Variants in LCN15 observed in about 807,000 individuals in gnomAD.
LCN15 encodes the protein lipocalin-15.
In LCN15, 26 loss-of-function variants were observed where a neutral mutation model predicts 23.1. The ratio of observed to expected loss-of-function variants is 1.13; its 90% CI spans 0.82 to 1.56. The LOEUF (loss-of-function observed/expected upper bound fraction) is 1.56. LCN15 is among the 40% of genes most tolerant of loss of function. The probability of loss-of-function intolerance (pLI) is 0.00; values close to 1 mark genes in which losing one functional copy is unlikely to be tolerated. For missense variants in LCN15, 241 were observed against 239.5 expected, an observed-to-expected ratio of 1.01 and a Z score of -0.04; for synonymous variants, 107 against 98.3, an observed-to-expected ratio of 1.09 and a Z score of -0.52.
intron 5 of LCN15, 150 bp from the exon 6 acceptor site, chr9:136,762,003 G>A (rs971115540): frequency 1.3e-5 from 10 of 792,922 alleles, no homozygotes; most frequent in Non-Finnish European, 1.9e-5. Flanking sequence ...GCTGCCCAAA[G>A]CCTCTCCCGT....
At chr9:136,763,173 G>A (rs1236938630) in intron 4 of LCN15, among the ~76,000 whole-genome samples, 184 bp downstream of exon 4, 24 of 151,438 alleles carry the variant, frequency 1.6e-4, no homozygotes. Flanking sequence ...CAGAAGGGGC[G>A]GGCCCGGGGA....
rs1369479734 is a variant in LCN15 at position 136,759,964 on chromosome 9, G to A, written c.*33-181C>T. On this transcript the variant is annotated intron_variant, in intron 6 of 6. Transcript: ENST00000316144. The stretch of plus-strand genomic sequence containing the variant: ...ACCAGCTACCACTGCTGCCCCAGGC[G>A]AGAGGCTGCCCCAGAGGCCATCCCT... 4.6e-5 allele frequency among the ~76,000 whole-genome samples: 7 copies of A among 152,226 alleles called. No individual in the cohort carries two copies. The East Asian group carries it at 1.3e-3, about 29-fold the overall frequency.
intron 3 of LCN15, 64 bp from the exon 4 acceptor site, chr9:136,763,531 C>A: frequency 7.7e-7 from 1 of 1,295,896 alleles, no homozygotes; most frequent in South Asian, 1.3e-5. Flanking sequence ...CCGACCCCAC[C>A]CATGCCTGCC....
chr9:136,764,472 A>C lies in LCN15; in HGVS notation c.17T>G (p.Leu6Arg), dbSNP rs1847357522. Residue 6 changes from leucine to arginine, a missense_variant, in exon 1 of 7, where the codon CTC becomes CGC. Leu to Arg is a moderately radical substitution (Grantham distance 102). Transcript: ENST00000316144. The part of the protein sequence containing the change: MMSFL[L>R]GAILTLLWAP... Reference sequence around the variant, plus strand: ...CCAGAGCAGGGTCAGGATTGCGCCGAGCAGGAATGACATCATCCCCTCCCC... The same window carrying C: ...CCAGAGCAGGGTCAGGATTGCGCCGCGCAGGAATGACATCATCCCCTCCCC... 1 of 1,612,834 alleles carries C rather than the reference A, an allele frequency of 6.2e-7. No individual in the cohort carries two copies.
In LCN15 at chr9:136,762,411, T is replaced by C. The variant is rs145086419; in HGVS notation, c.419-122A>G. 4,519 of 672,502 alleles carry C rather than the reference T, an allele frequency of 6.7e-3. 24 individuals are homozygous for C. The highest frequency in any genetic ancestry group is 0.021 in the Middle Eastern group (85 of 3,980). 41.7% of individuals were successfully genotyped at this position (672,502 alleles called of 1,614,324 possible). ...GGCCGCCACCCTGGGTTGGGCAGGTTGTGCGCGGCATAAAGCTCCTGCCTG... is the reference window on the plus strand; with the variant it reads ...GGCCGCCACCCTGGGTTGGGCAGGTCGTGCGCGGCATAAAGCTCCTGCCTG... On this transcript the variant is annotated intron_variant, in intron 4 of 6. Coordinates refer to ENST00000316144, the MANE Select transcript of LCN15 (RefSeq NM_203347.2).
chr9:136,759,883 A>G (rs1214139786), intron 6 of LCN15, 100 bp from the exon 7 acceptor site: 1 of 152,398 alleles, frequency 6.6e-6, no homozygotes. Flanking sequence ...GCCACCACTG[A>G]CAGGCCAGGG....
rs891355013 is a variant in LCN15 at position 136,764,508 on chromosome 9, C to G, written c.-20G>C. 1.9e-6 allele frequency: 3 copies of G among 1,600,776 alleles called. No homozygotes were observed. The highest frequency in any genetic ancestry group is 2.6e-6 in the Non-Finnish European group (3 of 1,172,514). On this transcript the variant is annotated 5_prime_UTR_variant, in exon 1 of 7. Transcript: ENST00000316144. ...CATCATCCCCTCCCCTGCCCTCCAG[C>G]CCCTGGTGCTGAGTCCCCAAGCCCC...
At chr9:136,763,636 G>A (rs554479750) in intron 3 of LCN15, 77 bp downstream of exon 3, 295 of 1,520,726 alleles carry the variant, frequency 1.9e-4, no homozygotes, top group Non-Finnish European at 2.5e-4. Context: ...GCTTGGGCCC[G>A]GGTGGAAAGT....
rs1473761113 is a variant in LCN15 at position 136,759,753 on chromosome 9, G to A, written c.*63C>T. On this transcript the variant is annotated 3_prime_UTR_variant, in exon 7 of 7. Coordinates refer to ENST00000316144, the MANE Select transcript of LCN15 (RefSeq NM_203347.2). ...CCGAGGGCTGTGGGTCTTGACTCCAGGGGCAAAGGCGCCTGCTGCTTTGGC... is the reference window on the plus strand; with the variant it reads ...CCGAGGGCTGTGGGTCTTGACTCCAAGGGCAAAGGCGCCTGCTGCTTTGGC... The A allele has an allele frequency of 6.6e-6, 1 of 152,250 alleles. No homozygotes were observed. Among genetic ancestry groups the A allele is most frequent in the Non-Finnish European group, 1.5e-5 (1 of 68,068 alleles). The allele number at this position is 152,250 out of a possible 1,614,324, so 9.4% of individuals were successfully genotyped here. A position where few individuals can be genotyped will look rare whatever the true frequency, so the allele number is the denominator to read the frequency against.
In LCN15 at chr9:136,761,902, C is replaced by G. The variant is rs761395593; in HGVS notation, c.521-49G>C. Reference sequence around the variant, plus strand: ...AGATGCTGACGGCCAGGACCGCCCTCGCTTCCCGCAGCCCCCAACCCCTGG... The same window carrying G: ...AGATGCTGACGGCCAGGACCGCCCTGGCTTCCCGCAGCCCCCAACCCCTGG... On this transcript the variant is annotated intron_variant, in intron 5 of 6. Transcript: ENST00000316144. The surrounding 1 kb of genome is among the most constrained non-coding windows in gnomAD (Gnocchi z 4.2). The G allele has an allele frequency of 2.3e-6, 3 of 1,315,134 alleles. No individual in the cohort carries two copies. Among genetic ancestry groups the G allele is most frequent in the Non-Finnish European group, 2.9e-6 (3 of 1,027,450 alleles). The allele number at this position is 1,315,134 out of a possible 1,614,324, so 81.5% of individuals were successfully genotyped here. A position where few individuals can be genotyped will look rare whatever the true frequency, so the allele number is the denominator to read the frequency against.
At chr9:136,764,033 A>T (rs1847353331) in intron 1 of LCN15, 24 bp from the exon 2 acceptor site, 1 of 1,606,982 alleles carries the variant, frequency 6.2e-7, no homozygotes, top group South Asian at 1.1e-5. Context: ...AGTCACCCGC[A>T]GGCCAGGACA....
At position 136,763,436 on chromosome 9, in the gene LCN15, G is replaced by C. The variant is rs1249422425; in HGVS notation, c.339C>G (p.Asp113Glu). The C allele has an allele frequency of 6.2e-6, 10 of 1,609,568 alleles. No individual in the cohort carries two copies. Among genetic ancestry groups the C allele is most frequent in the Non-Finnish European group, 6.8e-6 (8 of 1,178,470 alleles). Reference sequence around the variant, plus strand: ...GGACGGCGAAGGAGCTGTAGTCTGTGTCCACGATGCGCACGTCCAGGTAGC... The same window carrying C: ...GGACGGCGAAGGAGCTGTAGTCTGTCTCCACGATGCGCACGTCCAGGTAGC... The part of the protein sequence containing the change: ...ALGYLDVRIV[D>E]TDYSSFAVLY... Residue 113 changes from aspartate to glutamate, a missense_variant, in exon 4 of 7, where the codon GAC becomes GAG. By Grantham distance (45) the Asp-to-Glu change is conservative. Coordinates refer to ENST00000316144, the MANE Select transcript of LCN15 (RefSeq NM_203347.2).
rs1416886749 is a variant in LCN15, at chr9:136,764,389, G to C, written c.96+4C>G. On this transcript the variant is annotated splice_donor_region_variant and intron_variant, in intron 1 of 6. Coordinates refer to ENST00000316144, the MANE Select transcript of LCN15 (RefSeq NM_203347.2). ...CACCACAGGACAGCAGAGGCCCCTG[G>C]TACCTTTTCAGCATTGAAGTCAGGC... 1.9e-6 allele frequency: 3 copies of C among 1,612,420 alleles called. No homozygotes were observed. Among genetic ancestry groups the C allele is most frequent in the Admixed American group, 1.7e-5 (1 of 59,960 alleles).
rs1368538699 is a variant in LCN15, at chr9:136,764,014, CGG to C, written c.97-7_97-6del. On this transcript the variant is annotated splice_region_variant and splice_polypyrimidine_tract_variant and intron_variant, in intron 1 of 6. Transcript: ENST00000316144. ...CACGTACCAGAGGCCTGAGAACTGC[CGG>C]GGGCTTAGTCACCCGCAGGCCAGGA... is the stretch of plus-strand genomic sequence containing the variant. 3.7e-6 allele frequency: 6 copies of C among 1,611,896 alleles called. No homozygotes were observed. The highest frequency in any genetic ancestry group is 5.1e-6 in the Non-Finnish European group (6 of 1,179,460).
intron 1 of LCN15, 116 bp downstream of exon 1, chr9:136,764,277 G>A (rs1008534171): frequency 3.7e-5 from 39 of 1,041,130 alleles, no homozygotes; most frequent in Admixed American, 1.9e-4. Flanking sequence ...TCTATAGCAC[G>A]TGCCTGGCCG....
At chr9:136,759,995 C>T (rs900569096) in intron 6 of LCN15, among the ~76,000 whole-genome samples, 1 of 152,248 alleles carries the variant, frequency 6.6e-6, no homozygotes, top group Non-Finnish European at 1.5e-5. Flanking sequence ...TCCCTGGCTC[C>T]AGCACTTCCC....
At position 136,761,333 on chromosome 9, in the gene LCN15, T is replaced by C. The variant is rs1847314495; in HGVS notation, c.*32+454A>G. 6.6e-6 allele frequency among the ~76,000 whole-genome samples: 1 copy of C among 152,198 alleles called. No homozygotes were observed. The highest frequency in any genetic ancestry group is 2.4e-5 in the African/African-American group (1 of 41,444). On this transcript the variant is annotated intron_variant, in intron 6 of 6. Transcript: ENST00000316144. This position sits in a 1 kb window ranked among gnomAD's most constrained non-coding sequence, Gnocchi z 4.2. ...TGGACTGTAATGGTGCAATCTCGGC[T>C]CACCGCAACCTCCGCCTCCTGGGTT...
Position 136,762,432 on chromosome 9 carries a change from G to C in LCN15, c.419-143C>G. ...AGGTTGTGCGCGGCATAAAGCTCCT[G>C]CCTGGCTGAAGGAAACTTGGGGCCC... On this transcript the variant is annotated intron_variant, in intron 4 of 6. Transcript: ENST00000316144. 3 of 638,964 alleles carry C rather than the reference G, an allele frequency of 4.7e-6. No individual in the cohort carries two copies. In the South Asian group the frequency reaches 5.5e-5, roughly 12 times the overall value. 39.6% of individuals were successfully genotyped at this position (638,964 alleles called of 1,614,324 possible).
chr9:136,763,651 C>T, intron 3 of LCN15, 62 bp downstream of exon 3: 2 of 1,573,028 alleles, frequency 1.3e-6, no homozygotes, highest in Non-Finnish European at 1.7e-6. Flanking sequence ...GAAAGTCAGC[C>T]CCACGTCACC....
Sources: allele counts gnomAD v4.1 joint callset (sites outside exome capture counted in the v4.1 genomes callset), GRCh38; gene constraint gnomAD v4.1.1; non-coding constraint Gnocchi (gnomAD v3.1); transcripts MANE v1.5; gene names NCBI Gene and HGNC (gene_info 2026-07-23, HGNC 2026-07-21).